SLC4A10: variants seen among roughly 807,000 people sequenced by gnomAD.
The protein encoded by SLC4A10 is solute carrier family 4 member 10.
Under a neutral mutation model 137.7 loss-of-function variants are expected in SLC4A10, and 42 were observed. The ratio of observed to expected loss-of-function variants is 0.30; its 90% CI spans 0.24 to 0.39. SLC4A10 has a LOEUF of 0.39. SLC4A10 is among the 10% of genes least tolerant of loss of function. SLC4A10 has a pLI of 1.00. For synonymous variants in SLC4A10, 474 were observed against 464.1 expected (o/e 1.02, Z -0.27); for missense variants, 925 against 1,355.0 (o/e 0.68, Z 4.98).
intron 2 of SLC4A10, among the ~76,000 whole-genome samples, chr2:161,795,957 T>C (rs1041211812): frequency 6.6e-6 from 1 of 152,126 alleles, no homozygotes; most frequent in African/African-American, 2.4e-5. Context: ...CTTGTACCTT[T>C]ATGCAGGTTC....
chr2:161,855,362 C>A (rs1244454971), intron 5 of SLC4A10, among the ~76,000 whole-genome samples: 1 of 152,082 alleles, frequency 6.6e-6, no homozygotes, highest in Non-Finnish European at 1.5e-5. Context: ...ACCTAGATAT[C>A]TTGATTCCCA....
At position 161,796,277 on chromosome 2, in the gene SLC4A10, G is replaced by T. The variant is rs555282317; in HGVS notation, c.131-8172G>T. 2.6e-5 allele frequency among the ~76,000 whole-genome samples: 4 copies of T among 152,240 alleles called. No homozygotes were observed. In the East Asian group the frequency reaches 7.7e-4, roughly 29 times the overall value. On this transcript the variant is annotated intron_variant, in intron 2 of 26. Transcript: ENST00000446997. Reference sequence around the variant, plus strand: ...TTTTATTTAGGTCATAATTCTGTAGGTTGTGAATTTGGGTTGGACTCAGCT... The same window carrying T: ...TTTTATTTAGGTCATAATTCTGTAGTTTGTGAATTTGGGTTGGACTCAGCT...
chr2:161,930,798 G>A (rs1033545028), intron 15 of SLC4A10, among the ~76,000 whole-genome samples: 1 of 152,082 alleles, frequency 6.6e-6, no homozygotes, highest in Non-Finnish European at 1.5e-5. Flanking sequence ...TTGTAGGTAA[G>A]ATTAAGAAAG....
At chr2:161,841,634 A>G (rs1013653724) in intron 4 of SLC4A10, among the ~76,000 whole-genome samples, 1 of 152,194 alleles carries the variant, frequency 6.6e-6, no homozygotes, top group African/African-American at 2.4e-5. Flanking sequence ...CTTGTTTGAT[A>G]TATTTTCAGT....
At chr2:161,697,602 G>A (rs926491149) in intron 1 of SLC4A10, among the ~76,000 whole-genome samples, 16 of 152,192 alleles carry the variant, frequency 1.1e-4, no homozygotes, top group Admixed American at 1.3e-4. Context: ...ATTTGTCAAA[G>A]ATCAGATGGC....
chr2:161,947,445 G>A (rs1694023647), intron 16 of SLC4A10, 121 bp from the exon 17 acceptor site: 5 of 972,982 alleles, frequency 5.1e-6, no homozygotes, highest in Non-Finnish European at 7.3e-6. Flanking sequence ...AAATCATTGT[G>A]AGAGCCATAA....
At chr2:161,797,540 T>TA (rs1480707028) in intron 2 of SLC4A10, among the ~76,000 whole-genome samples, 1 of 151,926 alleles carries the variant, frequency 6.6e-6, no homozygotes, top group African/African-American at 2.4e-5. Context: ...TAGCCAGTTT[T>TA]TTTTTTTACT....
intron 1 of SLC4A10, among the ~76,000 whole-genome samples, chr2:161,694,604 C>T (rs569582414): frequency 6.6e-6 from 1 of 151,758 alleles, no homozygotes; most frequent in African/African-American, 2.4e-5. Context: ...AGTGGAGAAA[C>T]ACAAGGGCAT....
Position 161,942,876 on chromosome 2 carries a change from T to A in SLC4A10, c.2082T>A (p.Ile694=), listed in dbSNP as rs756346978. The A allele has an allele frequency of 6.3e-7, 1 of 1,597,518 alleles. No homozygotes were observed. ...CCAATATTTCTGCCTCTGACATAAT[T>A]TGGGAGAACCTAACTGTGTCAGTAA... ...RESNISASDI[I]WENLTVSECK... The change falls in exon 16 of 27, where the codon ATT becomes ATA. Residue 694 remains isoleucine, a synonymous_variant. Coordinates refer to ENST00000446997, the MANE Select transcript of SLC4A10 (RefSeq NM_001178015.2).
intron 1 of SLC4A10, among the ~76,000 whole-genome samples, chr2:161,744,371 G>A (rs2048205680): frequency 6.6e-6 from 1 of 152,008 alleles, no homozygotes; most frequent in Admixed American, 6.6e-5. Context: ...TTCTTTTTCA[G>A]TATCGATTGA....
chr2:161,886,299 G>T (rs2062274052), intron 10 of SLC4A10, among the ~76,000 whole-genome samples: 1 of 151,926 alleles, frequency 6.6e-6, no homozygotes, highest in South Asian at 2.1e-4. Context: ...TAGCTACTTG[G>T]AAGAAATACA....
intron 2 of SLC4A10, among the ~76,000 whole-genome samples, chr2:161,773,210 G>A (rs2051876300): frequency 6.6e-6 from 1 of 151,826 alleles, no homozygotes; most frequent in African/African-American, 2.4e-5. Context: ...GGAAGGATGA[G>A]AGCAGGGAGT....
intron 2 of SLC4A10, among the ~76,000 whole-genome samples, chr2:161,788,848 C>T (rs902391022): frequency 3.3e-5 from 5 of 152,248 alleles, no homozygotes; most frequent in South Asian, 2.1e-4. Flanking sequence ...GTAGCTGCCA[C>T]GAAGAGTGCT....
intron 1 of SLC4A10, among the ~76,000 whole-genome samples, chr2:161,689,650 T>C (rs1010759470): frequency 6.6e-6 from 1 of 152,184 alleles, no homozygotes; most frequent in Non-Finnish European, 1.5e-5. Context: ...TAATTAATAC[T>C]GTAATTAATA....
intron 8 of SLC4A10, among the ~76,000 whole-genome samples, chr2:161,874,349 G>C (rs2061334966): frequency 6.6e-6 from 1 of 152,080 alleles, no homozygotes; most frequent in African/African-American, 2.4e-5. Flanking sequence ...CAAATAAATT[G>C]TGATTTAACT....
intron 1 of SLC4A10, among the ~76,000 whole-genome samples, chr2:161,624,929 C>G (rs1283780059): frequency 6.6e-6 from 1 of 152,022 alleles, no homozygotes; most frequent in African/African-American, 2.4e-5. Flanking sequence ...TGCAGAGAAG[C>G]CCCCTTTTAT....
intron 2 of SLC4A10, among the ~76,000 whole-genome samples, chr2:161,776,598 T>G (rs2052366095): frequency 6.6e-6 from 1 of 151,928 alleles, no homozygotes; most frequent in South Asian, 2.1e-4. Flanking sequence ...CCCCTGTCCT[T>G]TCAACTGTAG....
chr2:161,811,476 G>T (rs2056544844), intron 3 of SLC4A10, among the ~76,000 whole-genome samples: 2 of 151,926 alleles, frequency 1.3e-5, no homozygotes, highest in East Asian at 1.9e-4. Context: ...GATATACTCT[G>T]CTGGAAATCA....
intron 3 of SLC4A10, among the ~76,000 whole-genome samples, chr2:161,838,473 CAG>C (rs1195016029): frequency 6.6e-6 from 1 of 152,060 alleles, no homozygotes; most frequent in African/African-American, 2.4e-5. Flanking sequence ...ACACACAAAT[CAG>C]AATTTATCAA....
Sources: gnomAD v4.1 joint callset for allele counts (sites outside exome capture counted in the v4.1 genomes callset) on GRCh38, gnomAD v4.1.1 for gene constraint, MANE v1.5 for transcripts, NCBI Gene and HGNC (gene_info 2026-07-23, HGNC 2026-07-21) for gene names.